The following OPRM1 variants were observed in gnomAD, a reference collection of about 807,000 sequenced individuals.
OPRM1 encodes the protein opioid receptor mu 1.
OPRM1 carries 27 observed loss-of-function variants against 31.8 expected under a neutral mutation model. That is an observed-to-expected ratio of 0.85 (90% CI 0.63 to 1.17). The LOEUF (loss-of-function observed/expected upper bound fraction) is 1.17, where lower values mean the gene tolerates loss of function less well. Among genes scored for constraint, OPRM1 ranks in the 50% most tolerant of loss-of-function variants. The probability of loss-of-function intolerance (pLI) is 0.00; values close to 1 mark genes in which losing one functional copy is unlikely to be tolerated. For missense variants in OPRM1, 536 were observed against 511.1 expected (o/e 1.05, Z -0.47); for synonymous variants, 196 against 189.9 (o/e 1.03, Z -0.26).
intron 3 of OPRM1, chr6:154,212,713 G>A (rs1040653369): frequency 1.7e-6 from 2 of 1,165,144 alleles, no homozygotes; most frequent in Non-Finnish European, 2.6e-6. Context: ...TCAATTGGAA[G>A]AAATGACATC....
chr6:154,115,921 C>T (rs1175695749), intron 3 of OPRM1, among the ~76,000 whole-genome samples: 1 of 152,226 alleles, frequency 6.6e-6, no homozygotes, highest in East Asian at 1.9e-4. Flanking sequence ...TTTGGGAGCT[C>T]CTGTTTAGTA....
chr6:154,163,395 A>G (rs1479561057), intron 3 of OPRM1, among the ~76,000 whole-genome samples: 1 of 152,214 alleles, frequency 6.6e-6, no homozygotes, highest in African/African-American at 2.4e-5. Context: ...TTTTACACAA[A>G]TTATGTCTTT....
intron 3 of OPRM1, among the ~76,000 whole-genome samples, chr6:154,166,410 C>T (rs769478412): frequency 2.0e-5 from 3 of 152,192 alleles, no homozygotes; most frequent in African/African-American, 4.8e-5. Context: ...ATGCTCTCCG[C>T]GGCCTCTACT....
At chr6:154,158,986 C>T (rs1231373375) in intron 3 of OPRM1, 1 of 151,970 alleles carries the variant, frequency 6.6e-6, no homozygotes, top group African/African-American at 2.4e-5. Flanking sequence ...TCCTGGGAAA[C>T]CTGGATATAA....
intron 3 of OPRM1, chr6:154,107,832 T>C: frequency 1.4e-6 from 1 of 715,948 alleles, no homozygotes; most frequent in Non-Finnish European, 2.6e-6. Context: ...CCGTGTTTTA[T>C]CCTGAAGTAT....
chr6:154,117,451 A>G (rs1423417859), intron 3 of OPRM1, among the ~76,000 whole-genome samples: 1 of 152,218 alleles, frequency 6.6e-6, no homozygotes, highest in Non-Finnish European at 1.5e-5. Context: ...AAGCTTTAGC[A>G]TAATAGTGCC....
intron 3 of OPRM1, among the ~76,000 whole-genome samples, chr6:154,176,118 A>G (rs957379016): frequency 2.0e-5 from 3 of 152,240 alleles, no homozygotes; most frequent in African/African-American, 7.2e-5. Flanking sequence ...AACAAAAATC[A>G]ACAGCCTTTC....
chr6:154,183,437 A>AT (rs1416575569), intron 3 of OPRM1, among the ~76,000 whole-genome samples: 1 of 152,238 alleles, frequency 6.6e-6, no homozygotes, highest in East Asian at 1.9e-4. Context: ...AAATTAATCT[A>AT]AACATTTGAG....
rs140256462 is a variant in OPRM1, at chr6:154,202,640, T to C, written c.1165-44053T>C. Among the ~76,000 whole-genome samples, 838 of 152,306 alleles carry C rather than the reference T, an allele frequency of 5.5e-3. 5 individuals carry two copies. The highest frequency in any genetic ancestry group is 0.019 in the African/African-American group (795 of 41,558). Reference sequence around the variant, plus strand: ...ACTGGGCTATTTGAACAACAGACCATGTACACAGTTGCTACAGGACTGTCT... The same window carrying C: ...ACTGGGCTATTTGAACAACAGACCACGTACACAGTTGCTACAGGACTGTCT... On this transcript the variant is annotated intron_variant, in intron 3 of 3. Transcript: ENST00000337049.
In OPRM1 at chr6:154,162,419, G is replaced by T. The variant is rs151032878; in HGVS notation, c.1164+70947G>T. The stretch of plus-strand genomic sequence containing the variant: ...CCCACCATTCACCAAAACTGCTCTT[G>T]TGAAGACCATCAGTGACCTCCATGT... On this transcript the variant is annotated intron_variant, in intron 3 of 3. Coordinates refer to the OPRM1 transcript ENST00000337049. Among the ~76,000 whole-genome samples the T allele has an allele frequency of 3.6e-3, 553 of 152,284 alleles. 3 individuals carry two copies. Among genetic ancestry groups the T allele is most frequent in the African/African-American group, 0.013 (531 of 41,544 alleles).
chr6:154,045,777 G>T (rs1164870389), intron 1 of OPRM1, among the ~76,000 whole-genome samples: 1 of 152,144 alleles, frequency 6.6e-6, no homozygotes, highest in Non-Finnish European at 1.5e-5. Context: ...AATCAGCCTG[G>T]CACTCACAAA....
At chr6:154,163,672 G>GA (rs1358107337) in intron 3 of OPRM1, among the ~76,000 whole-genome samples, 2 of 152,150 alleles carry the variant, frequency 1.3e-5, no homozygotes, top group East Asian at 3.9e-4. Context: ...AATACTTGTT[G>GA]AAAAAATGAA....
At chr6:154,231,212 A>G (rs1779690866) in intron 3 of OPRM1, among the ~76,000 whole-genome samples, 1 of 152,236 alleles carries the variant, frequency 6.6e-6, no homozygotes. Context: ...TAAAATAGAA[A>G]GTAAAAGTAA....
At chr6:154,031,788 G>A (rs1186356747) in intron 1 of OPRM1, among the ~76,000 whole-genome samples, 1 of 152,062 alleles carries the variant, frequency 6.6e-6, no homozygotes, top group Non-Finnish European at 1.5e-5. Context: ...TATCTACTGT[G>A]TGCTAGAGGA....
At chr6:154,197,456 C>G (rs1005408571) in intron 3 of OPRM1, among the ~76,000 whole-genome samples, 8 of 152,154 alleles carry the variant, frequency 5.3e-5, no homozygotes, top group Admixed American at 2.0e-4. Flanking sequence ...CATATGAGAA[C>G]TGCCAACAAA....
At chr6:154,152,340 A>AAAG (rs1349591863) in intron 3 of OPRM1, among the ~76,000 whole-genome samples, 1 of 9,816 alleles carries the variant, frequency 1.0e-4, no homozygotes, top group Non-Finnish European at 2.6e-4. Flanking sequence ...AGAAAGAAAG[A>AAAG]AAGAAAGGAA....
At chr6:154,043,888 CTCT>C (rs1287599829) in intron 1 of OPRM1, among the ~76,000 whole-genome samples, 2 of 152,056 alleles carry the variant, frequency 1.3e-5, no homozygotes, top group Non-Finnish European at 2.9e-5. Context: ...AGGAGAACAA[CTCT>C]TCTTCTGTGT....
chr6:154,171,440 GAAT>G (rs1216762253), intron 3 of OPRM1, among the ~76,000 whole-genome samples: 7 of 152,150 alleles, frequency 4.6e-5, no homozygotes, highest in African/African-American at 1.7e-4. Context: ...ACAGAAACCA[GAAT>G]AATAATTGCC....
chr6:154,018,597 A>C (rs1343134771), intron 1 of OPRM1, among the ~76,000 whole-genome samples: 1 of 151,588 alleles, frequency 6.6e-6, no homozygotes, highest in Non-Finnish European at 1.5e-5. Flanking sequence ...AAAACAGATT[A>C]AGTCTTCTGA....
Sources: gnomAD v4.1 joint callset for allele counts (sites outside exome capture counted in the v4.1 genomes callset) on GRCh38, gnomAD v4.1.1 for gene constraint, MANE v1.5 for transcripts, NCBI Gene and HGNC (gene_info 2026-07-23, HGNC 2026-07-21) for gene names.